Variants in FAM193A observed in about 807,000 individuals in gnomAD.
The protein encoded by FAM193A is family with sequence similarity 193 member A.
FAM193A carries 22 observed loss-of-function variants against 126.5 expected under a neutral mutation model. The observed-to-expected ratio is 0.17, with a 90% CI of 0.12 to 0.25. The LOEUF (loss-of-function observed/expected upper bound fraction) is 0.25, where lower values mean the gene tolerates loss of function less well. Ranked by LOEUF, FAM193A falls within the 10% of genes least tolerant of loss-of-function variation. The pLI is 1.00. For synonymous variants in FAM193A, 761 were observed against 646.8 expected (o/e 1.18, Z -2.68); for missense variants, 1,675 against 1,672.8 (o/e 1.00, Z -0.02).
Position 2,659,580 on chromosome 4 carries a change from C to T in FAM193A, c.1412C>T (p.Thr471Ile), listed in dbSNP as rs1470632126. ...TAGTTAACCAATAAGAAAGCAGTTA[C>T]TGGCGAGAACAACTTCACAGACACC... ...EEQLTNKKAV[T>I]GENNFTDTMR... Residue 471 changes from threonine (T) to isoleucine (I), a missense_variant, in exon 9 of 21, where the codon ACT (threonine) becomes ATT (isoleucine). Coordinates refer to ENST00000637812, the MANE Select transcript of FAM193A (RefSeq NM_001366318.2). 3 of 1,613,956 alleles carry T rather than the reference C, an allele frequency of 1.9e-6. No individual in the cohort carries two copies. Among genetic ancestry groups the T allele is most frequent in the South Asian group, 1.1e-5 (1 of 91,070 alleles).
At chr4:2,687,767 A>T (rs1002891881) in intron 13 of FAM193A, among the ~76,000 whole-genome samples, 2 of 152,142 alleles carry the variant, frequency 1.3e-5, no homozygotes, top group Admixed American at 1.3e-4. Context: ...TGACCAAATC[A>T]TCTCACTCTG....
intron 4 of FAM193A, among the ~76,000 whole-genome samples, chr4:2,626,876 C>T (rs939151825): frequency 6.6e-5 from 10 of 152,178 alleles, no homozygotes; most frequent in Non-Finnish European, 1.5e-4. Flanking sequence ...TCCCCCTGTG[C>T]CAGGGATGAT....
intron 4 of FAM193A, among the ~76,000 whole-genome samples, chr4:2,629,554 T>A (rs1577098927): frequency 6.6e-6 from 1 of 152,234 alleles, no homozygotes; most frequent in African/African-American, 2.4e-5. Flanking sequence ...CTAGGTAATA[T>A]GGCAATTTAA....
chr4:2,668,824 CTTTTCCT>C (rs1713451266), intron 12 of FAM193A, among the ~76,000 whole-genome samples: 1 of 140,460 alleles, frequency 7.1e-6, no homozygotes, highest in Admixed American at 7.1e-5. Context: ...TTCTCTTTTC[CTTTTCCT>C]TTTCTTTTCC....
intron 1 of FAM193A, among the ~76,000 whole-genome samples, chr4:2,544,961 AT>A (rs1461662700): frequency 6.6e-6 from 1 of 151,818 alleles, no homozygotes; most frequent in African/African-American, 2.4e-5. Flanking sequence ...TCTCATCTGT[AT>A]CCTTTAAAAG....
intron 1 of FAM193A, among the ~76,000 whole-genome samples, chr4:2,592,479 C>G (rs1324009040): frequency 6.6e-6 from 1 of 152,180 alleles, no homozygotes; most frequent in Non-Finnish European, 1.5e-5. Context: ...CTTCCTGTCT[C>G]AAACAGTGAA....
chr4:2,704,180 T>C (rs1354221870), intron 19 of FAM193A, among the ~76,000 whole-genome samples: 1 of 151,436 alleles, frequency 6.6e-6, no homozygotes, highest in African/African-American at 2.4e-5. Context: ...GGATAATTGC[T>C]TGAACTGGGG....
At chr4:2,559,000 A>G (rs930799288) in intron 1 of FAM193A, among the ~76,000 whole-genome samples, 2 of 152,230 alleles carry the variant, frequency 1.3e-5, no homozygotes. Context: ...ACTCCATCTC[A>G]AACAAAAACA....
In FAM193A at chr4:2,715,788, G is replaced by A. The variant is rs16843272; in HGVS notation, c.4373-235G>A. Among the ~76,000 whole-genome samples the A allele has an allele frequency of 0.37, 56,498 of 152,066 alleles. 11,061 individuals are homozygous for A. Among genetic ancestry groups the A allele is most frequent in the Admixed American group, 0.54 (8,282 of 15,274 alleles). On this transcript the variant is annotated intron_variant, in intron 19 of 20. Transcript: ENST00000637812. ...GGTTCTGGCAAACATGTCTTCTAACGGGACCTGAAGCCACAGTTGCTTTGC... is the reference window on the plus strand; with the variant it reads ...GGTTCTGGCAAACATGTCTTCTAACAGGACCTGAAGCCACAGTTGCTTTGC...
At chr4:2,598,647 C>G (rs917877855) in intron 2 of FAM193A, among the ~76,000 whole-genome samples, 1 of 152,160 alleles carries the variant, frequency 6.6e-6, no homozygotes, top group Non-Finnish European at 1.5e-5. Context: ...GTTATTGGTT[C>G]TTGCTTTCTG....
At chr4:2,706,018 C>T (rs985304296) in intron 19 of FAM193A, among the ~76,000 whole-genome samples, 1 of 152,118 alleles carries the variant, frequency 6.6e-6, no homozygotes, top group Non-Finnish European at 1.5e-5. Context: ...CTAGCCTGGG[C>T]AACATAGTGA....
chr4:2,694,845 G>A (rs1716850869), intron 16 of FAM193A, 101 bp from the exon 17 acceptor site: 5 of 1,027,292 alleles, frequency 4.9e-6, no homozygotes, highest in Non-Finnish European at 7.0e-6. Context: ...GCTGCCTCTT[G>A]TCTGTGAAAT....
chr4:2,694,372 C>T (rs962059033), intron 16 of FAM193A, among the ~76,000 whole-genome samples: 1 of 151,938 alleles, frequency 6.6e-6, no homozygotes, highest in South Asian at 2.1e-4. Context: ...TGGGTTCAAG[C>T]GATTCTTCTG....
At chr4:2,577,244 A>G (rs1739640751) in intron 1 of FAM193A, among the ~76,000 whole-genome samples, 1 of 152,012 alleles carries the variant, frequency 6.6e-6, no homozygotes, top group Non-Finnish European at 1.5e-5. Context: ...AAAGCATTTA[A>G]TTTTCAACAC....
At chr4:2,549,400 T>C (rs566656540) in intron 1 of FAM193A, among the ~76,000 whole-genome samples, 53 of 138,106 alleles carry the variant, frequency 3.8e-4, no homozygotes, top group African/African-American at 1.0e-3. Context: ...TTTTTCTTTT[T>C]TTTTTTTTTT....
At chr4:2,614,690 T>C (rs985156278) in intron 2 of FAM193A, among the ~76,000 whole-genome samples, 1 of 152,254 alleles carries the variant, frequency 6.6e-6, no homozygotes, top group Non-Finnish European at 1.5e-5. Flanking sequence ...TTGGCATTAT[T>C]TCTACCTTAA....
At chr4:2,688,883 A>G (rs1331899051) in intron 13 of FAM193A, among the ~76,000 whole-genome samples, 1 of 152,258 alleles carries the variant, frequency 6.6e-6, no homozygotes, top group African/African-American at 2.4e-5. Flanking sequence ...TAGTGGCTCA[A>G]TAAATGCATG....
intron 19 of FAM193A, among the ~76,000 whole-genome samples, chr4:2,707,115 C>CT (rs1718399626): frequency 6.6e-6 from 1 of 151,936 alleles, no homozygotes; most frequent in Admixed American, 6.6e-5. Flanking sequence ...GAGTGAGACT[C>CT]TGTCTCCCCC....
At chr4:2,635,227 T>C (rs1445752012) in intron 5 of FAM193A, among the ~76,000 whole-genome samples, 1 of 152,214 alleles carries the variant, frequency 6.6e-6, no homozygotes, top group African/African-American at 2.4e-5. Flanking sequence ...ATTATTACAC[T>C]GCCATCCAGT....
Sources: allele counts gnomAD v4.1 joint callset (sites outside exome capture counted in the v4.1 genomes callset), GRCh38; gene constraint gnomAD v4.1.1; transcripts MANE v1.5; gene names NCBI Gene and HGNC (gene_info 2026-07-23, HGNC 2026-07-21).